The following ACAA2 variants were observed in gnomAD, a reference collection of about 807,000 sequenced individuals.
ACAA2 encodes 3-ketoacyl-CoA thiolase, mitochondrial.
A neutral mutation model predicts 44.8 loss-of-function variants in ACAA2; 35 were observed. That is an observed-to-expected ratio of 0.78 (90% CI 0.60 to 1.04). The LOEUF (loss-of-function observed/expected upper bound fraction) is 1.04, where lower values mean the gene tolerates loss of function less well. Ranked by LOEUF, ACAA2 falls within the 50% of genes least tolerant of loss-of-function variation. The probability of loss-of-function intolerance (pLI) is 0.00; values close to 1 mark genes in which losing one functional copy is unlikely to be tolerated. For synonymous variants in ACAA2, 142 were observed against 166.5 expected (o/e 0.85, Z 1.13); for missense variants, 468 against 482.6 (o/e 0.97, Z 0.28).
intron 8 of ACAA2, chr18:49,786,307 T>G (rs1263581329): frequency 6.6e-6 from 1 of 152,226 alleles, no homozygotes; most frequent in Non-Finnish European, 1.5e-5. Context: ...GTCTGAGTTA[T>G]GTCCTTGAGA....
At position 49,792,154 on chromosome 18, in the gene ACAA2, A is replaced by G; in HGVS notation, c.751T>C (p.Ser251Pro). 1 of 1,612,782 alleles carries G rather than the reference A, an allele frequency of 6.2e-7. No homozygotes were observed. Among genetic ancestry groups the G allele is most frequent in the Non-Finnish European group, 8.5e-7 (1 of 1,179,088 alleles). Residue 251 changes from serine to proline, a missense_variant and splice_region_variant, in exon 6 of 10, where the codon TCG (serine) becomes CCG (proline). Physicochemically the swap from Ser to Pro is moderately conservative, Grantham distance 74. Coordinates refer to ENST00000285093, the MANE Select transcript of ACAA2 (RefSeq NM_006111.3). Reference sequence around the variant, plus strand: ...CTAATCTGTGTGGTGATACCAACCGATGCATTCCCTGCAGTAACAGTTCCA... The same window carrying G: ...CTAATCTGTGTGGTGATACCAACCGGTGCATTCCCTGCAGTAACAGTTCCA... The part of the protein sequence containing the change: ...KDGTVTAGNA[S>P]GVADGAGAVI...
At chr18:49,809,373 A>G (rs1441015125) in intron 1 of ACAA2, among the ~76,000 whole-genome samples, 1 of 152,196 alleles carries the variant, frequency 6.6e-6, no homozygotes, top group Non-Finnish European at 1.5e-5. Context: ...AGGCGTTAAG[A>G]GTATTATTAG....
In ACAA2 at chr18:49,782,323, G is replaced by C. The variant is rs1412513944; in HGVS notation, c.*1524C>G. ...ACTAGTCCATTATCCCAAACCGTGG[G>C]TAGGCCGCTTGTCATCTGCCTCTCT... On this transcript the variant is annotated 3_prime_UTR_variant, in exon 10 of 10. Transcript: ENST00000285093. 6.6e-6 allele frequency: 1 copy of C among 152,146 alleles called. No individual in the cohort carries two copies. The highest frequency in any genetic ancestry group is 1.9e-4 in the East Asian group (1 of 5,192). The allele number at this position is 152,146 out of a possible 1,614,324, so 9.4% of individuals were successfully genotyped here.
Position 49,802,869 on chromosome 18 carries a change from G to A in ACAA2, c.17-16C>T. 1 of 1,613,822 alleles carries A rather than the reference G, an allele frequency of 6.2e-7. No individual in the cohort carries two copies. Among genetic ancestry groups the A allele is most frequent in the Non-Finnish European group, 8.5e-7 (1 of 1,179,860 alleles). On this transcript the variant is annotated splice_polypyrimidine_tract_variant and intron_variant, in intron 1 of 9. Coordinates refer to ENST00000285093, the MANE Select transcript of ACAA2 (RefSeq NM_006111.3). The stretch of plus-strand genomic sequence containing the variant: ...ACAAACACACCTATTGCAACAAGAA[G>A]AGATTTGTAAGCCATCACAGGTTAG...
In ACAA2 at chr18:49,787,302, C is replaced by T. The variant is rs1302300724; in HGVS notation, c.943G>A (p.Asp315Asn). 7.6e-7 allele frequency: 1 copy of T among 1,314,828 alleles called. No individual in the cohort carries two copies. Among genetic ancestry groups the T allele is most frequent in the African/African-American group, 1.5e-5 (1 of 64,724 alleles). 81.4% of individuals were successfully genotyped at this position (1,314,828 alleles called of 1,614,324 possible). A position where few individuals can be genotyped will look rare whatever the true frequency, so the allele number is the denominator to read the frequency against. The change falls in exon 8 of 10, where the codon GAT (aspartate) becomes AAT (asparagine). Residue 315 changes from aspartate to asparagine, a missense_variant. By Grantham distance (23) the Asp-to-Asn change is conservative. Coordinates refer to ENST00000285093, the MANE Select transcript of ACAA2 (RefSeq NM_006111.3). The stretch of plus-strand genomic sequence containing the variant: ...AAAAAAACACTTACCTCTACCAAAT[C>T]CATGTCCTTAAGACTCAGTCCTGCT... Reference protein sequence around the residue: ...KKAGLSLKDMDLVEVNEAFAP... With the variant: ...KKAGLSLKDMNLVEVNEAFAP...
intron 3 of ACAA2, 118 bp from the exon 4 acceptor site, chr18:49,795,999 A>G: frequency 1.6e-6 from 1 of 629,472 alleles, no homozygotes; most frequent in Non-Finnish European, 2.8e-6. Context: ...TGTAGCTTAC[A>G]GTGTCTCAAA....
At chr18:49,806,227 TCAGAGAATAAAATTCATGGTAAGCA>T (rs2023609285) in intron 1 of ACAA2, among the ~76,000 whole-genome samples, 2 of 152,134 alleles carry the variant, frequency 1.3e-5, no homozygotes, top group African/African-American at 4.8e-5. Flanking sequence ...GCTTGAAGAA[TCAGAGAATAAAATTCATGGTAAGCA>T]CAGCCACTAG....
chr18:49,794,825 G>C (rs1387335942), intron 4 of ACAA2, among the ~76,000 whole-genome samples: 2 of 152,142 alleles, frequency 1.3e-5, no homozygotes, highest in African/African-American at 4.8e-5. Context: ...CCTGAGCTCT[G>C]TAATAAACAG....
At chr18:49,787,493 A>ACCTTGACCGTACCTATTAAATG in intron 7 of ACAA2, 132 bp from the exon 8 acceptor site, 1 of 627,372 alleles carries the variant, frequency 1.6e-6, no homozygotes, top group Admixed American at 4.1e-5. Flanking sequence ...AAATCTTACT[A>ACCTTGACCGTACCTATTAAATG]CCTTGACCGT....
At position 49,784,564 on chromosome 18, in the gene ACAA2, T is replaced by C. The variant is rs117838581; in HGVS notation, c.1109+633A>G. Among the ~76,000 whole-genome samples the C allele has an allele frequency of 2.0e-4, 31 of 152,306 alleles. No homozygotes were observed. The South Asian group carries it at 2.7e-3, about 13-fold the overall frequency. On this transcript the variant is annotated intron_variant, in intron 9 of 9. Coordinates refer to ENST00000285093, the MANE Select transcript of ACAA2 (RefSeq NM_006111.3). ...CAACTCAGGGAATCATTAAGTGAAA[T>C]AAGAGTCACATTTCCCCTGGCCTAA...
At chr18:49,785,731 C>T (rs1012902747) in intron 8 of ACAA2, 12 of 195,556 alleles carry the variant, frequency 6.1e-5, no homozygotes, top group South Asian at 3.2e-4. Context: ...TTCACGTTTC[C>T]GCGTGTGAAA....
chr18:49,794,858 T>C (rs1027859967), intron 4 of ACAA2, among the ~76,000 whole-genome samples: 54 of 152,316 alleles, frequency 3.5e-4, no homozygotes, highest in African/African-American at 1.2e-3. Flanking sequence ...TTCTTTTTCA[T>C]CCTGCGCCTC....
At position 49,783,535 on chromosome 18, in the gene ACAA2, TATAATC is replaced by T. The variant is rs1376214809; in HGVS notation, c.*306_*311del. ...TAAGGCAACATTTATTTGATTTCCT[TATAATC>T]ATATTATCTAAGGCAGAAGTGGTGG... On this transcript the variant is annotated 3_prime_UTR_variant, in exon 10 of 10. Coordinates refer to ENST00000285093, the MANE Select transcript of ACAA2 (RefSeq NM_006111.3). 3 of 221,198 alleles carry T rather than the reference TATAATC, an allele frequency of 1.4e-5. No individual in the cohort carries two copies. The highest frequency in any genetic ancestry group is 2.2e-5 in the African/African-American group (1 of 44,512). 13.7% of individuals were successfully genotyped at this position (221,198 alleles called of 1,614,324 possible).
chr18:49,808,485 G>A (rs2023633683), intron 1 of ACAA2, among the ~76,000 whole-genome samples: 1 of 152,162 alleles, frequency 6.6e-6, no homozygotes, highest in Non-Finnish European at 1.5e-5. Flanking sequence ...TTTCAGTGTA[G>A]GTTCTATTTT....
chr18:49,792,484 G>A (rs999440366), intron 5 of ACAA2, among the ~76,000 whole-genome samples, 157 bp from the exon 6 acceptor site: 2 of 151,998 alleles, frequency 1.3e-5, no homozygotes, highest in Admixed American at 6.6e-5. Context: ...TCACATTGTC[G>A]CCTGGGCTGG....
At chr18:49,803,239 AAAT>A (rs10639158) in intron 1 of ACAA2, among the ~76,000 whole-genome samples, 2,070 of 142,368 alleles carry the variant, frequency 0.015, 23 homozygotes, top group African/African-American at 0.027. Context: ...CTGGTAGTTA[AAAT>A]AATAATAATA....
At chr18:49,807,818 G>T (rs114196549) in intron 1 of ACAA2, among the ~76,000 whole-genome samples, 2 of 152,050 alleles carry the variant, frequency 1.3e-5, no homozygotes, top group Non-Finnish European at 2.9e-5. Context: ...GTGACAGAGC[G>T]GGACCCTCTA....
In ACAA2 at chr18:49,798,366, T is replaced by C. The variant is rs190919266; in HGVS notation, c.184-772A>G. 5.4e-3 allele frequency among the ~76,000 whole-genome samples: 826 copies of C among 152,202 alleles called. 5 individuals carry two copies. The highest frequency in any genetic ancestry group is 7.0e-3 in the Non-Finnish European group (478 of 68,004). On this transcript the variant is annotated intron_variant, in intron 2 of 9. Transcript: ENST00000285093. ...GCGTCTTGTTATAATAAAATGTAAG[T>C]TCTGAATCAACAGGTCTAGGTCTGC...
intron 1 of ACAA2, among the ~76,000 whole-genome samples, 164 bp downstream of exon 1, chr18:49,813,305 C>T (rs1403589198): frequency 6.6e-6 from 1 of 152,266 alleles, no homozygotes. Context: ...TTAACCCAAA[C>T]AAGCCTTTCG....
Sources: gnomAD v4.1 joint callset for allele counts (sites outside exome capture counted in the v4.1 genomes callset) on GRCh38, gnomAD v4.1.1 for gene constraint, MANE v1.5 for transcripts, NCBI Gene and HGNC (gene_info 2026-07-23, HGNC 2026-07-21) for gene names.